Variants in GORASP1 observed in about 807,000 individuals in gnomAD.
GORASP1 encodes Golgi reassembly-stacking protein 1.
GORASP1 carries 31 observed loss-of-function variants against 37.7 expected under a neutral mutation model. The observed-to-expected ratio is 0.82, with a 90% CI of 0.62 to 1.11. The LOEUF is 1.11. Among genes scored for constraint, GORASP1 ranks in the 50% least tolerant of loss-of-function variants. GORASP1 has a pLI of 0.00. For missense variants in GORASP1, 476 were observed against 560.7 expected, an observed-to-expected ratio of 0.85 and a Z score of 1.53; for synonymous variants, 204 against 224.8, an observed-to-expected ratio of 0.91 and a Z score of 0.83.
At position 39,102,597 on chromosome 3, in the gene GORASP1, C is replaced by G. The variant is rs1296885701; in HGVS notation, c.348+81G>C. 7.0e-7 allele frequency: 1 copy of G among 1,434,586 alleles called. No individual in the cohort carries two copies. The highest frequency in any genetic ancestry group is 1.4e-5 in the African/African-American group (1 of 71,096). The allele number at this position is 1,434,586 out of a possible 1,614,324, so 88.9% of individuals were successfully genotyped here. ...CCCACTCCACTCCTGCATGTACCCC[C>G]TCACACCCCGCCCACACCCAGACCT... is the stretch of plus-strand genomic sequence containing the variant. On this transcript the variant is annotated intron_variant, in intron 3 of 8. Transcript: ENST00000319283. The surrounding 1 kb of genome is among the most constrained non-coding windows in gnomAD (Gnocchi z 5.0).
chr3:39,098,135 C>A lies in GORASP1; in HGVS notation c.*101G>T. ...CACCCACTGAGGCCTCATGTCCCAC[C>A]AAAGCAGCAAGGAATCCTGACCGCA... On this transcript the variant is annotated 3_prime_UTR_variant, in exon 9 of 9. Coordinates refer to ENST00000319283, the MANE Select transcript of GORASP1 (RefSeq NM_031899.4). This position sits in a 1 kb window ranked among gnomAD's most constrained non-coding sequence, Gnocchi z 4.7. The A allele has an allele frequency of 7.0e-7, 1 of 1,424,502 alleles. No homozygotes were observed. The highest frequency in any genetic ancestry group is 9.5e-7 in the Non-Finnish European group (1 of 1,050,326). The allele number at this position is 1,424,502 out of a possible 1,614,324, so 88.2% of individuals were successfully genotyped here. A position where few individuals can be genotyped will look rare whatever the true frequency, so the allele number is the denominator to read the frequency against.
rs1222839191 is a variant in GORASP1, at chr3:39,101,520, GGA to G, written c.349-420_349-419del. The G allele has an allele frequency of 2.2e-5, 10 of 458,654 alleles. No homozygotes were observed. The Admixed American group carries it at 2.3e-4, about 11-fold the overall frequency. The allele number at this position is 458,654 out of a possible 1,614,324, so 28.4% of individuals were successfully genotyped here. A position where few individuals can be genotyped will look rare whatever the true frequency, so the allele number is the denominator to read the frequency against. Reference sequence around the variant, plus strand: ...AGAAGAAAAGCACACCTTGGCTACAGGAGCACCCACTACATTGCTGCTTCTGC... The same window carrying G: ...AGAAGAAAAGCACACCTTGGCTACAGGCACCCACTACATTGCTGCTTCTGC... On this transcript the variant is annotated intron_variant, in intron 3 of 8. Transcript: ENST00000319283.
At chr3:39,101,441 G>C (rs930147418) in intron 3 of GORASP1, 1 of 518,218 alleles carries the variant, frequency 1.9e-6, no homozygotes, top group Non-Finnish European at 3.7e-6. Flanking sequence ...TTAAAAGTAA[G>C]ATACACAGTA....
rs2036305217 is a variant in GORASP1, at chr3:39,107,619, C to T, written c.-78G>A. ...CGACCCGACGCCAGTAGCACCGACTCGCTCTCTCGGCGCTCGATTCCTGCG... is the reference window on the plus strand; with the variant it reads ...CGACCCGACGCCAGTAGCACCGACTTGCTCTCTCGGCGCTCGATTCCTGCG... On this transcript the variant is annotated 5_prime_UTR_variant, in exon 1 of 9. Transcript: ENST00000319283. 1 of 1,377,054 alleles carries T rather than the reference C, an allele frequency of 7.3e-7. No homozygotes were observed. The highest frequency in any genetic ancestry group is 1.5e-5 in the African/African-American group (1 of 68,664). 85.3% of individuals were successfully genotyped at this position (1,377,054 alleles called of 1,614,324 possible).
rs192464733 is a variant in GORASP1, at chr3:39,105,959, A to T, written c.63+1520T>A. ...ATTCCCCTAAATATCTGTATTGTCC[A>T]CTCTTTACTTCCTTCAGAAGCATCT... On this transcript the variant is annotated intron_variant, in intron 1 of 8. Transcript: ENST00000319283. This position sits in a 1 kb window ranked among gnomAD's most constrained non-coding sequence, Gnocchi z 5.4. Among the ~76,000 whole-genome samples the T allele has an allele frequency of 6.6e-6, 1 of 151,978 alleles. No homozygotes were observed. Among genetic ancestry groups the T allele is most frequent in the Non-Finnish European group, 1.5e-5 (1 of 67,984 alleles).
Position 39,107,502 on chromosome 3 carries a change from C to A in GORASP1, c.40G>T (p.Ala14Ser), listed in dbSNP as rs765818461. 4.5e-5 allele frequency: 66 copies of A among 1,460,130 alleles called. No homozygotes were observed. The South Asian group carries it at 8.1e-4, about 18-fold the overall frequency. 90.4% of individuals were successfully genotyped at this position (1,460,130 alleles called of 1,614,324 possible). A position where few individuals can be genotyped will look rare whatever the true frequency, so the allele number is the denominator to read the frequency against. Residue 14 changes from alanine to serine, a missense_variant, in exon 1 of 9, where the codon GCC (alanine) becomes TCC (serine). Coordinates refer to ENST00000319283, the MANE Select transcript of GORASP1 (RefSeq NM_031899.4). ...ACCCCGTGGAGGTGGAAGCCCTCGG[C>A]GCCGCCTGCGGGCTGCTCAGCGCTG... ...GVSAEQPAGG[A>S]EGFHLHGVQE...
Position 39,103,597 on chromosome 3 carries a change from C to G in GORASP1, c.64-44G>C, listed in dbSNP as rs2035857606. Reference sequence around the variant, plus strand: ...CACAGTCACTGCGCCAACCCTGGGACTCTCCAAGTAGCCCTCTCCCCCATT... The same window carrying G: ...CACAGTCACTGCGCCAACCCTGGGAGTCTCCAAGTAGCCCTCTCCCCCATT... On this transcript the variant is annotated intron_variant, in intron 1 of 8. Transcript: ENST00000319283. This position sits in a 1 kb window ranked among gnomAD's most constrained non-coding sequence, Gnocchi z 5.2. The G allele has an allele frequency of 6.7e-7, 1 of 1,490,662 alleles. No homozygotes were observed. Among genetic ancestry groups the G allele is most frequent in the Admixed American group, 1.9e-5 (1 of 54,048 alleles). 92.3% of individuals were successfully genotyped at this position (1,490,662 alleles called of 1,614,324 possible).
rs763358638 is a variant in GORASP1 at position 39,100,916 on chromosome 3, G to A, written c.436-39C>T. ...ATAGCACCTGAGGCCTGCTTCCAGGGCTAAAGCCTCAACAAAACCAGACAC... is the reference window on the plus strand; with the variant it reads ...ATAGCACCTGAGGCCTGCTTCCAGGACTAAAGCCTCAACAAAACCAGACAC... On this transcript the variant is annotated intron_variant, in intron 4 of 8. Coordinates refer to ENST00000319283, the MANE Select transcript of GORASP1 (RefSeq NM_031899.4). The surrounding 1 kb of genome is among the most constrained non-coding windows in gnomAD (Gnocchi z 4.6). 1 of 1,614,008 alleles carries A rather than the reference G, an allele frequency of 6.2e-7. No homozygotes were observed. The highest frequency in any genetic ancestry group is 8.5e-7 in the Non-Finnish European group (1 of 1,179,876).
In GORASP1 at chr3:39,105,640, C is replaced by T. The variant is rs1052680279; in HGVS notation, c.63+1839G>A. Reference sequence around the variant, plus strand: ...AGCGACTTCTCCAAAGTATTGGGCACGCAGCGAGGTGCCAATATTTCTAGA... The same window carrying T: ...AGCGACTTCTCCAAAGTATTGGGCATGCAGCGAGGTGCCAATATTTCTAGA... On this transcript the variant is annotated intron_variant, in intron 1 of 8. Transcript: ENST00000319283. This position sits in a 1 kb window ranked among gnomAD's most constrained non-coding sequence, Gnocchi z 5.4. Among the ~76,000 whole-genome samples the T allele has an allele frequency of 1.2e-4, 18 of 152,194 alleles. No individual in the cohort carries two copies. Among genetic ancestry groups the T allele is most frequent in the Admixed American group, 3.3e-4 (5 of 15,282 alleles).
At chr3:39,101,403 ACCT>A (rs1262094168) in intron 3 of GORASP1, 23 of 563,722 alleles carry the variant, frequency 4.1e-5, no homozygotes, top group East Asian at 3.8e-4. Flanking sequence ...ACATTATTGA[ACCT>A]CTCCTAGCCT....
intron 1 of GORASP1, among the ~76,000 whole-genome samples, chr3:39,106,562 C>A (rs1369927638): frequency 1.3e-5 from 2 of 152,118 alleles, no homozygotes; most frequent in Non-Finnish European, 2.9e-5. Flanking sequence ...TGGCAACAGA[C>A]CCTACCTTCA....
rs1381414950 is a variant in GORASP1, at chr3:39,102,827, C to T, written c.199G>A (p.Val67Met). Reference protein sequence around the residue: ...ALLKANVEKPVKLEVFNMKTM... With the variant: ...ALLKANVEKPMKLEVFNMKTM... ...TTCATATTGAACACCTCCAGCTTCACGGGCTTCTCCACATTGGCTTTCAGT... is the reference window on the plus strand; with the variant it reads ...TTCATATTGAACACCTCCAGCTTCATGGGCTTCTCCACATTGGCTTTCAGT... The change falls in exon 3 of 9, where the codon GTG becomes ATG. Residue 67 changes from valine to methionine, a missense_variant. Physicochemically the swap from Val to Met is conservative, Grantham distance 21. Coordinates refer to ENST00000319283, the MANE Select transcript of GORASP1 (RefSeq NM_031899.4). This position sits in a 1 kb window ranked among gnomAD's most constrained non-coding sequence, Gnocchi z 5.0. 4.3e-6 allele frequency: 7 copies of T among 1,614,108 alleles called. No individual in the cohort carries two copies. Among genetic ancestry groups the T allele is most frequent in the East Asian group, 4.5e-5 (2 of 44,886 alleles).
intron 1 of GORASP1, chr3:39,106,993 G>C: frequency 2.2e-6 from 1 of 448,852 alleles, no homozygotes; most frequent in South Asian, 1.6e-5. Flanking sequence ...ACGACCCTAC[G>C]ACTGGCAGGA....
At chr3:39,104,467 C>T (rs953867004) in intron 1 of GORASP1, among the ~76,000 whole-genome samples, 1 of 152,208 alleles carries the variant, frequency 6.6e-6, no homozygotes, top group Non-Finnish European at 1.5e-5. Context: ...CGAAGATGGG[C>T]CCACACCCTC....
chr3:39,098,770 C>T lies in GORASP1; in HGVS notation c.1040G>A (p.Cys347Tyr), dbSNP rs756895503. 8 of 1,614,086 alleles carry T rather than the reference C, an allele frequency of 5.0e-6. No homozygotes were observed. In the South Asian group the frequency reaches 8.8e-5, roughly 18 times the overall value. Residue 347 changes from cysteine to tyrosine, a missense_variant, in exon 8 of 9, where the codon TGC (cysteine) becomes TAC (tyrosine). By Grantham distance (194) the Cys-to-Tyr change is radical (BLOSUM62 -2). Transcript: ENST00000319283. This position sits in a 1 kb window ranked among gnomAD's most constrained non-coding sequence, Gnocchi z 4.7. ...CCGCTCATGAGAACTGCTGCTGGAGCAGATGTCCTCTGGCCCTGAGGTTGA... is the reference window on the plus strand; with the variant it reads ...CCGCTCATGAGAACTGCTGCTGGAGTAGATGTCCTCTGGCCCTGAGGTTGA... ...AVSTSGPEDICSSSSSHERGG... is the reference protein window; with the variant it reads ...AVSTSGPEDIYSSSSSHERGG...
At position 39,103,400 on chromosome 3, in the gene GORASP1, GC is replaced by G. The variant is rs1015268968; in HGVS notation, c.144+72del. The G allele has an allele frequency of 8.7e-6, 11 of 1,257,736 alleles. No individual in the cohort carries two copies. Among genetic ancestry groups the G allele is most frequent in the African/African-American group, 1.5e-5 (1 of 66,816 alleles). The allele number at this position is 1,257,736 out of a possible 1,614,324, so 77.9% of individuals were successfully genotyped here. On this transcript the variant is annotated intron_variant, in intron 2 of 8. Coordinates refer to ENST00000319283, the MANE Select transcript of GORASP1 (RefSeq NM_031899.4). This position sits in a 1 kb window ranked among gnomAD's most constrained non-coding sequence, Gnocchi z 5.2. ...AAAAGGGAGGGAAGGGTAGACTGGGGCCCCCTGTGGGACAGATGAAGACACA... is the reference window on the plus strand; with the variant it reads ...AAAAGGGAGGGAAGGGTAGACTGGGGCCCCTGTGGGACAGATGAAGACACA...
chr3:39,098,562 C>T lies in GORASP1; in HGVS notation c.1070-73G>A. The stretch of plus-strand genomic sequence containing the variant: ...CATGGTGTTAGGGCCAGTAACCCCA[C>T]CGACCGCTCCCCATTGCCACTCCAG... On this transcript the variant is annotated intron_variant, in intron 8 of 8. Coordinates refer to ENST00000319283, the MANE Select transcript of GORASP1 (RefSeq NM_031899.4). This position sits in a 1 kb window ranked among gnomAD's most constrained non-coding sequence, Gnocchi z 4.7. 6.5e-7 allele frequency: 1 copy of T among 1,538,154 alleles called. No homozygotes were observed. Among genetic ancestry groups the T allele is most frequent in the South Asian group, 1.3e-5 (1 of 79,348 alleles).
intron 7 of GORASP1, 188 bp downstream of exon 7, chr3:39,099,165 G>A: frequency 1.2e-6 from 1 of 818,830 alleles, no homozygotes; most frequent in East Asian, 2.6e-5. Context: ...TGACCTGAAG[G>A]AGGCTACCTC....
At position 39,103,479 on chromosome 3, in the gene GORASP1, C is replaced by T. The variant is rs775355496; in HGVS notation, c.138G>A (p.Ser46=). Residue 46 remains serine (S), a synonymous_variant, in exon 2 of 9, where the codon TCG becomes TCA. Transcript: ENST00000319283. This position sits in a 1 kb window ranked among gnomAD's most constrained non-coding sequence, Gnocchi z 5.2. ...YFDFIITIGH[S]RLNKENDTLK... ...GGCAGGTTGGGGAACTCACCAGCCTCGAGTGCCCAATGGTGATGATGAAGT... is the reference window on the plus strand; with the variant it reads ...GGCAGGTTGGGGAACTCACCAGCCTTGAGTGCCCAATGGTGATGATGAAGT... The T allele has an allele frequency of 6.8e-6, 11 of 1,612,436 alleles. No homozygotes were observed. Among genetic ancestry groups the T allele is most frequent in the African/African-American group, 1.3e-5 (1 of 74,918 alleles).
Sources: allele counts gnomAD v4.1 joint callset (sites outside exome capture counted in the v4.1 genomes callset), GRCh38; gene constraint gnomAD v4.1.1; non-coding constraint Gnocchi (gnomAD v3.1); transcripts MANE v1.5; gene names NCBI Gene and HGNC (gene_info 2026-07-23, HGNC 2026-07-21).